Variants in LRRTM4 observed in about 807,000 individuals in gnomAD.
LRRTM4 encodes leucine rich repeat transmembrane neuronal 4.
In LRRTM4, 25 loss-of-function variants were observed where a neutral mutation model predicts 47.6. The ratio of observed to expected loss-of-function variants is 0.53; its 90% CI spans 0.38 to 0.73. The LOEUF is 0.73. Among genes scored for constraint, LRRTM4 ranks in the 30% least tolerant of loss-of-function variants. The pLI, the probability that LRRTM4 is intolerant of heterozygous loss-of-function variation, is 0.00. For missense variants in LRRTM4, 638 were observed against 713.4 expected, an observed-to-expected ratio of 0.89 and a Z score of 1.20; for synonymous variants, 311 against 269.5, an observed-to-expected ratio of 1.15 and a Z score of -1.51.
chr2:77,450,813 G>A (rs1453687670), intron 3 of LRRTM4, among the ~76,000 whole-genome samples: 1 of 151,968 alleles, frequency 6.6e-6, no homozygotes, highest in East Asian at 1.9e-4. Flanking sequence ...CCAAGTTTTT[G>A]ACAGCCCCAT....
At chr2:76,783,155 C>T (rs1248895524) in intron 3 of LRRTM4, among the ~76,000 whole-genome samples, 1 of 152,082 alleles carries the variant, frequency 6.6e-6, no homozygotes, top group Admixed American at 6.6e-5. Context: ...ATTCCACCAA[C>T]ATTGAATGAA....
intron 3 of LRRTM4, among the ~76,000 whole-genome samples, chr2:76,965,412 T>C (rs1017228560): frequency 2.0e-5 from 3 of 151,300 alleles, no homozygotes; most frequent in Non-Finnish European, 3.0e-5. Flanking sequence ...AAAATCAATT[T>C]ATGTTATATG....
intron 3 of LRRTM4, among the ~76,000 whole-genome samples, chr2:77,378,105 T>C (rs1194730727): frequency 6.6e-6 from 1 of 151,912 alleles, no homozygotes; most frequent in Non-Finnish European, 1.5e-5. Context: ...GTATCTGTAA[T>C]TACAAATTAC....
At chr2:76,917,456 G>T (rs886606796) in intron 3 of LRRTM4, among the ~76,000 whole-genome samples, 1 of 151,934 alleles carries the variant, frequency 6.6e-6, no homozygotes, top group African/African-American at 2.4e-5. Flanking sequence ...TCTATGTTTC[G>T]CTCAGAATCA....
At chr2:76,843,941 G>A (rs1246742432) in intron 3 of LRRTM4, among the ~76,000 whole-genome samples, 1 of 132,470 alleles carries the variant, frequency 7.5e-6, no homozygotes, top group Non-Finnish European at 1.5e-5. Context: ...GGAGTCTCAT[G>A]CCCAGACTGG....
chr2:77,056,342 C>G (rs1380997727), intron 3 of LRRTM4, among the ~76,000 whole-genome samples: 1 of 152,076 alleles, frequency 6.6e-6, no homozygotes, highest in Non-Finnish European at 1.5e-5. Context: ...GTATTTTCCA[C>G]TAGACTCAAA....
Position 77,518,335 on chromosome 2 carries a change from C to T in LRRTM4, c.1534G>A (p.Gly512Ser), listed in dbSNP as rs771795694. ...GTTCATACCTCACATTCCCTGGAGC[C>T]AGAGATGGTATATGTGCAGGGCCCA... ...GSGPCTYTISGSRECEMPHHM... is the reference protein window; with the variant it reads ...GSGPCTYTISSSRECEMPHHM... Residue 512 changes from glycine (G) to serine (S), a missense_variant, in exon 3 of 4, where the codon GGC becomes AGC. By Grantham distance (56) the Gly-to-Ser change is moderately conservative. Transcript: ENST00000409884. 6.2e-7 allele frequency: 1 copy of T among 1,607,882 alleles called. No homozygotes were observed. The highest frequency in any genetic ancestry group is 2.2e-5 in the East Asian group (1 of 44,688).
chr2:76,887,652 T>C (rs969573408), intron 3 of LRRTM4, among the ~76,000 whole-genome samples: 1 of 132,020 alleles, frequency 7.6e-6, no homozygotes, highest in Non-Finnish European at 1.6e-5. Flanking sequence ...ACAGTGTGTA[T>C]ATATGTTTGT....
At chr2:77,180,304 T>G (rs1673313342) in intron 3 of LRRTM4, among the ~76,000 whole-genome samples, 2 of 152,156 alleles carry the variant, frequency 1.3e-5, no homozygotes, top group Non-Finnish European at 2.9e-5. Flanking sequence ...TACTGGTACA[T>G]AGCAAACTAA....
At chr2:76,815,263 C>T (rs1016384562) in intron 3 of LRRTM4, among the ~76,000 whole-genome samples, 9 of 152,130 alleles carry the variant, frequency 5.9e-5, no homozygotes, top group Admixed American at 5.2e-4. Flanking sequence ...GTTTCTTGCT[C>T]GCCAGTGTCA....
chr2:77,410,857 A>C (rs1282308872), intron 3 of LRRTM4, among the ~76,000 whole-genome samples: 2 of 152,150 alleles, frequency 1.3e-5, no homozygotes, highest in African/African-American at 2.4e-5. Flanking sequence ...TGATTCTGTT[A>C]CATACACAAT....
intron 3 of LRRTM4, among the ~76,000 whole-genome samples, chr2:77,444,935 A>C (rs1675989842): frequency 8.5e-6 from 1 of 117,928 alleles, no homozygotes; most frequent in Non-Finnish European, 1.8e-5. Flanking sequence ...TTTATTTTAC[A>C]CACACACACA....
At chr2:77,131,035 C>T (rs1219375111) in intron 3 of LRRTM4, among the ~76,000 whole-genome samples, 1 of 148,366 alleles carries the variant, frequency 6.7e-6, no homozygotes, top group African/African-American at 2.5e-5. Flanking sequence ...GGGGTTTCAC[C>T]GTTTTAGCCG....
chr2:76,838,898 G>T (rs1432335925), intron 3 of LRRTM4, among the ~76,000 whole-genome samples: 1 of 151,932 alleles, frequency 6.6e-6, no homozygotes, highest in African/African-American at 2.4e-5. Context: ...ACTGTTTTTA[G>T]TCACAAAATA....
intron 3 of LRRTM4, among the ~76,000 whole-genome samples, chr2:77,386,561 G>A (rs1466134949): frequency 6.6e-6 from 1 of 152,122 alleles, no homozygotes; most frequent in African/African-American, 2.4e-5. Flanking sequence ...GAACAGTGCT[G>A]CAATAAACAT....
intron 3 of LRRTM4, chr2:76,987,569 A>G (rs1676847346): frequency 6.6e-6 from 1 of 151,966 alleles, no homozygotes; most frequent in South Asian, 2.1e-4. Context: ...ACAATAATCT[A>G]AGTAATGATG....
chr2:77,462,961 G>A (rs1240998817), intron 3 of LRRTM4, among the ~76,000 whole-genome samples: 1 of 151,820 alleles, frequency 6.6e-6, no homozygotes, highest in Non-Finnish European at 1.5e-5. Context: ...TGACTAAAGA[G>A]CCAGGGAGAA....
At chr2:77,233,031 T>C (rs1675010519) in intron 3 of LRRTM4, among the ~76,000 whole-genome samples, 1 of 152,232 alleles carries the variant, frequency 6.6e-6, no homozygotes, top group East Asian at 1.9e-4. Context: ...AGTTGTTAGA[T>C]AAAGAAATTG....
intron 3 of LRRTM4, among the ~76,000 whole-genome samples, chr2:77,062,867 G>C (rs1679832596): frequency 6.6e-6 from 1 of 151,882 alleles, no homozygotes; most frequent in Non-Finnish European, 1.5e-5. Flanking sequence ...CTTCATTGTT[G>C]TCAGTGCAAA....
Sources: allele counts gnomAD v4.1 joint callset (sites outside exome capture counted in the v4.1 genomes callset), GRCh38; gene constraint gnomAD v4.1.1; transcripts MANE v1.5; gene names NCBI Gene and HGNC (gene_info 2026-07-23, HGNC 2026-07-21).